The following HECTD4 variants were observed in gnomAD, a reference collection of about 807,000 sequenced individuals.
HECTD4 encodes HECT domain E3 ubiquitin protein ligase 4.
A neutral mutation model predicts 471.5 loss-of-function variants in HECTD4; 114 were observed. The observed-to-expected ratio is 0.24, with a 90% CI of 0.21 to 0.28. The LOEUF (loss-of-function observed/expected upper bound fraction) is 0.28. Ranked by LOEUF, HECTD4 falls within the 10% of genes least tolerant of loss-of-function variation. HECTD4 has a pLI of 1.00. For missense variants in HECTD4, 3,866 were observed against 5,651.5 expected, an observed-to-expected ratio of 0.68 and a Z score of 10.13; for synonymous variants, 2,012 against 2,256.0, an observed-to-expected ratio of 0.89 and a Z score of 3.07.
Position 112,324,099 on chromosome 12 carries a change from TTTC to T in HECTD4, c.178-4360_178-4358del, listed in dbSNP as rs2035690042. On this transcript the variant is annotated intron_variant, in intron 1 of 75. Coordinates refer to ENST00000682272, the MANE Select transcript of HECTD4 (RefSeq NM_001388303.1). ...CTTTCTTTCTTTCTTTCTTTCTTTCTTTCCTCTCTCTCTTTCTTTCTTTTTTTT... is the reference window on the plus strand; with the variant it reads ...CTTTCTTTCTTTCTTTCTTTCTTTCTCTCTCTCTCTTTCTTTCTTTTTTTT... 2.0e-5 allele frequency among the ~76,000 whole-genome samples: 2 copies of T among 101,842 alleles called. 1 individual carries two copies. The highest frequency in any genetic ancestry group is 2.2e-4 in the Admixed American group (2 of 9,020). The allele number at this position is 101,842 out of a possible 152,430, so 66.8% of individuals were successfully genotyped here.
In HECTD4 at chr12:112,256,305, C is replaced by T. The variant is rs762897938; in HGVS notation, c.3327+15G>A. 1.3e-6 allele frequency: 2 copies of T among 1,539,564 alleles called. No individual in the cohort carries two copies. The highest frequency in any genetic ancestry group is 1.3e-5 in the South Asian group (1 of 76,914). ...TACTCGAGGTGGAACCAATAGTAAC[C>T]CAGTTCTTACTTACTTTGTCATAGT... On this transcript the variant is annotated intron_variant, in intron 21 of 75. Transcript: ENST00000682272.
Position 112,319,758 on chromosome 12 carries a change from A to G in HECTD4, c.178-16T>C. The G allele has an allele frequency of 8.0e-7, 1 of 1,245,626 alleles. No individual in the cohort carries two copies. Among genetic ancestry groups the G allele is most frequent in the South Asian group, 3.8e-5 (1 of 26,120 alleles). 77.2% of individuals were successfully genotyped at this position (1,245,626 alleles called of 1,614,324 possible). A position where few individuals can be genotyped will look rare whatever the true frequency, so the allele number is the denominator to read the frequency against. On this transcript the variant is annotated splice_polypyrimidine_tract_variant and intron_variant, in intron 1 of 75. Coordinates refer to ENST00000682272, the MANE Select transcript of HECTD4 (RefSeq NM_001388303.1). This position sits in a 1 kb window ranked among gnomAD's most constrained non-coding sequence, Gnocchi z 5.3. ...AGGTTAAAATCTAAGGAAAAAGACG[A>G]TGGAGAAGTGGGTAAATATTACTTT...
In HECTD4 at chr12:112,163,474, T is replaced by C; in HGVS notation, c.12897+68A>G. The C allele has an allele frequency of 7.5e-7, 1 of 1,338,926 alleles. No individual in the cohort carries two copies. The highest frequency in any genetic ancestry group is 1.0e-6 in the Non-Finnish European group (1 of 998,710). The allele number at this position is 1,338,926 out of a possible 1,614,324, so 82.9% of individuals were successfully genotyped here. A position where few individuals can be genotyped will look rare whatever the true frequency, so the allele number is the denominator to read the frequency against. On this transcript the variant is annotated intron_variant, in intron 74 of 75. Coordinates refer to ENST00000682272, the MANE Select transcript of HECTD4 (RefSeq NM_001388303.1). The surrounding 1 kb of genome is among the most constrained non-coding windows in gnomAD (Gnocchi z 8.2). ...CACTGCCGATGCCTGCTGCTGGAGT[T>C]GAGGGTGACAGGGAGGCACGCCTGG...
chr12:112,258,336 T>C, intron 20 of HECTD4, 160 bp downstream of exon 20: 1 of 461,792 alleles, frequency 2.2e-6, no homozygotes, highest in Non-Finnish European at 3.8e-6. Context: ...GCTATAAATC[T>C]ACAAAGCAAT....
intron 7 of HECTD4, chr12:112,302,282 G>A (rs774366230): frequency 1.1e-5 from 9 of 844,006 alleles, no homozygotes; most frequent in African/African-American, 1.7e-5. Flanking sequence ...TGGTCTCTTA[G>A]TGGGGACGCC....
chr12:112,346,050 A>G (rs1054178840), intron 1 of HECTD4, among the ~76,000 whole-genome samples: 4 of 152,218 alleles, frequency 2.6e-5, no homozygotes, highest in African/African-American at 9.6e-5. Context: ...TCCATTCGCT[A>G]TAGTCCTTAA....
intron 1 of HECTD4, chr12:112,322,108 A>G (rs1214980806): frequency 2.2e-5 from 2 of 92,236 alleles, no homozygotes; most frequent in Non-Finnish European, 3.7e-5. Flanking sequence ...CTTGTCTGCT[A>G]AAAAAAAAAA....
chr12:112,273,306 T>G (rs2034456734), intron 11 of HECTD4, among the ~76,000 whole-genome samples: 1 of 152,166 alleles, frequency 6.6e-6, no homozygotes, highest in African/African-American at 2.4e-5. Flanking sequence ...TGTGTATAAT[T>G]AAGTCATTAC....
intron 6 of HECTD4, among the ~76,000 whole-genome samples, chr12:112,307,094 G>C (rs1408632776): frequency 6.6e-6 from 1 of 152,092 alleles, no homozygotes; most frequent in Non-Finnish European, 1.5e-5. Flanking sequence ...TAGAAGAGCT[G>C]AGAAACTCAA....
At chr12:112,371,883 T>C (rs1222507719) in intron 1 of HECTD4, among the ~76,000 whole-genome samples, 1 of 118,374 alleles carries the variant, frequency 8.4e-6, no homozygotes, top group Non-Finnish European at 1.7e-5. Context: ...TGAAACTCTG[T>C]CTCAAAAAAA....
chr12:112,293,726 C>T (rs543021663), intron 7 of HECTD4, among the ~76,000 whole-genome samples: 19 of 152,286 alleles, frequency 1.2e-4, no homozygotes, highest in Non-Finnish European at 2.6e-4. Context: ...GAAGAAAATG[C>T]TAACCTCACT....
At chr12:112,255,958 C>A (rs1474737561) in intron 21 of HECTD4, among the ~76,000 whole-genome samples, 3 of 152,180 alleles carry the variant, frequency 2.0e-5, no homozygotes, top group African/African-American at 7.2e-5. Context: ...GGCAGTGAGA[C>A]CTTTCTAGAT....
chr12:112,258,727 T>C lies in HECTD4; in HGVS notation c.3028-131A>G, dbSNP rs958088033. On this transcript the variant is annotated intron_variant, in intron 19 of 75. Coordinates refer to ENST00000682272, the MANE Select transcript of HECTD4 (RefSeq NM_001388303.1). ...TAGTCTGCTCTCCTTCATTAAGAAATGCTGTGCTACTTAGACCACTTAACA... is the reference window on the plus strand; with the variant it reads ...TAGTCTGCTCTCCTTCATTAAGAAACGCTGTGCTACTTAGACCACTTAACA... The C allele has an allele frequency of 1.6e-5, 11 of 686,360 alleles. 1 individual carries two copies. The highest frequency in any genetic ancestry group is 8.0e-4 in the Middle Eastern group (2 of 2,504). 42.5% of individuals were successfully genotyped at this position (686,360 alleles called of 1,614,324 possible). A position where few individuals can be genotyped will look rare whatever the true frequency, so the allele number is the denominator to read the frequency against.
chr12:112,377,607 A>G (rs1228084079), intron 1 of HECTD4, among the ~76,000 whole-genome samples: 1 of 152,220 alleles, frequency 6.6e-6, no homozygotes, highest in Non-Finnish European at 1.5e-5. Context: ...GCGGTGGCTC[A>G]CGCCTGTAAT....
chr12:112,248,017 T>C (rs1184678767), intron 27 of HECTD4, 50 bp downstream of exon 27: 1 of 1,264,308 alleles, frequency 7.9e-7, no homozygotes, highest in Non-Finnish European at 1.1e-6. Context: ...GTATATACCT[T>C]TGCTCTCTAA....
chr12:112,266,104 C>T, intron 14 of HECTD4, 121 bp from the exon 15 acceptor site: 1 of 652,698 alleles, frequency 1.5e-6, no homozygotes, highest in Non-Finnish European at 2.6e-6. Flanking sequence ...GACATACGGA[C>T]TTATACAAAT....
intron 2 of HECTD4, among the ~76,000 whole-genome samples, chr12:112,315,902 A>T (rs1293380513): frequency 2.0e-5 from 3 of 151,194 alleles, no homozygotes; most frequent in Non-Finnish European, 4.4e-5. Flanking sequence ...TCTTAAAAAA[A>T]AAAAAAAAAA....
intron 17 of HECTD4, chr12:112,262,011 A>G (rs1258080948): frequency 1.3e-5 from 2 of 152,302 alleles, no homozygotes; most frequent in African/African-American, 2.4e-5. Flanking sequence ...AAACATTAAA[A>G]TAACTATTAG....
rs951205099 is a variant in HECTD4, at chr12:112,194,204, G to T, written c.8750-530C>A. On this transcript the variant is annotated intron_variant, in intron 56 of 75. Transcript: ENST00000682272. This position sits in a 1 kb window ranked among gnomAD's most constrained non-coding sequence, Gnocchi z 4.6. The stretch of plus-strand genomic sequence containing the variant: ...TGTAGTGCACACATACCCTGGCTGG[G>T]TGGGACCCCACAGTTGTGAGCTGGA... Among the ~76,000 whole-genome samples the T allele has an allele frequency of 3.9e-5, 6 of 152,252 alleles. No homozygotes were observed.
Sources: gnomAD v4.1 joint callset for allele counts (sites outside exome capture counted in the v4.1 genomes callset) on GRCh38, gnomAD v4.1.1 for gene constraint, Gnocchi (gnomAD v3.1) non-coding constraint, MANE v1.5 for transcripts, NCBI Gene and HGNC (gene_info 2026-07-23, HGNC 2026-07-21) for gene names.